ATRNL1: variants seen among roughly 807,000 people sequenced by gnomAD.
The protein encoded by ATRNL1 is attractin like 1.
A neutral mutation model predicts 182.7 loss-of-function variants in ATRNL1; 95 were observed. The ratio of observed to expected loss-of-function variants is 0.52; its 90% CI spans 0.44 to 0.62. ATRNL1 has a LOEUF of 0.62. ATRNL1 is among the 20% of genes least tolerant of loss of function. The pLI, the probability that ATRNL1 is intolerant of heterozygous loss-of-function variation, is 0.00. For missense variants in ATRNL1, 1,471 were observed against 1,679.5 expected, an observed-to-expected ratio of 0.88 and a Z score of 2.17; for synonymous variants, 576 against 568.3, an observed-to-expected ratio of 1.01 and a Z score of -0.19.
At chr10:115,282,867 G>T (rs1592376535) in intron 14 of ATRNL1, among the ~76,000 whole-genome samples, 1 of 151,036 alleles carries the variant, frequency 6.6e-6, no homozygotes, top group African/African-American at 2.4e-5. Context: ...TGTGCAGAAT[G>T]TGCAGGTTTG....
At chr10:115,816,075 C>G (rs887049899) in intron 27 of ATRNL1, among the ~76,000 whole-genome samples, 2 of 152,116 alleles carry the variant, frequency 1.3e-5, no homozygotes, top group African/African-American at 2.4e-5. Flanking sequence ...AGAAACCCCT[C>G]TCTAATGTGA....
rs782258121 is a variant in ATRNL1, at chr10:115,129,340, C to T, written c.634C>T (p.Pro212Ser). 3.7e-6 allele frequency: 6 copies of T among 1,611,680 alleles called. No individual in the cohort carries two copies. In the African/African-American group the frequency reaches 5.3e-5, roughly 14 times the overall value. ...TATATTTTACAGAATCAATTCTTGTCCTAACAATTGCTCTGGTCATGGGAA... is the reference window on the plus strand; with the variant it reads ...TATATTTTACAGAATCAATTCTTGTTCTAACAATTGCTCTGGTCATGGGAA... Reference protein sequence around the residue: ...FNIFYSINSCPNNCSGHGKCT... With the variant: ...FNIFYSINSCSNNCSGHGKCT... The change falls in exon 5 of 29, where the codon CCT (proline) becomes TCT (serine). Residue 212 changes from proline to serine, a missense_variant. Physicochemically the swap from Pro to Ser is moderately conservative, Grantham distance 74. Transcript: ENST00000355044.
chr10:115,914,107 T>A (rs1952771173), intron 28 of ATRNL1, among the ~76,000 whole-genome samples: 1 of 152,106 alleles, frequency 6.6e-6, no homozygotes, highest in African/African-American at 2.4e-5. Flanking sequence ...ATAAGGGGTT[T>A]TCCCTGCTTC....
chr10:115,507,792 G>T (rs1850189506), intron 24 of ATRNL1, among the ~76,000 whole-genome samples: 1 of 151,976 alleles, frequency 6.6e-6, no homozygotes, highest in Non-Finnish European at 1.5e-5. Context: ...AATGAGGATT[G>T]CCATTCACAC....
At chr10:115,361,026 A>T (rs1856721780) in intron 19 of ATRNL1, among the ~76,000 whole-genome samples, 1 of 151,952 alleles carries the variant, frequency 6.6e-6, no homozygotes, top group African/African-American at 2.4e-5. Context: ...ACCTTTGGTT[A>T]CAGTGGTGTC....
chr10:115,233,308 C>T (rs1267377143), intron 9 of ATRNL1, among the ~76,000 whole-genome samples: 1 of 152,102 alleles, frequency 6.6e-6, no homozygotes, highest in Non-Finnish European at 1.5e-5. Flanking sequence ...ATTCATTCAA[C>T]CAGTACAATA....
chr10:115,278,706 T>C (rs1015411084), intron 13 of ATRNL1, among the ~76,000 whole-genome samples: 1 of 152,182 alleles, frequency 6.6e-6, no homozygotes, highest in African/African-American at 2.4e-5. Context: ...CAGCTGTCAG[T>C]TTTGAGAAAT....
At chr10:115,329,144 A>T (rs1281634167) in intron 18 of ATRNL1, among the ~76,000 whole-genome samples, 1 of 151,944 alleles carries the variant, frequency 6.6e-6, no homozygotes, top group Non-Finnish European at 1.5e-5. Context: ...TCAATTTTAT[A>T]ATTTACCCAT....
intron 26 of ATRNL1, among the ~76,000 whole-genome samples, chr10:115,702,849 A>G (rs1470191258): frequency 6.6e-6 from 1 of 151,836 alleles, no homozygotes; most frequent in Non-Finnish European, 1.5e-5. Context: ...TACTGCCCAA[A>G]ATAATCTACA....
chr10:115,693,210 C>G (rs1946447870), intron 26 of ATRNL1, among the ~76,000 whole-genome samples: 1 of 151,912 alleles, frequency 6.6e-6, no homozygotes, highest in African/African-American at 2.4e-5. Flanking sequence ...TGAAAGGTAA[C>G]CACTTTTTTA....
At chr10:115,328,317 A>G (rs1236349209) in intron 18 of ATRNL1, among the ~76,000 whole-genome samples, 2 of 152,116 alleles carry the variant, frequency 1.3e-5, no homozygotes, top group Non-Finnish European at 2.9e-5. Flanking sequence ...CAAAATATGC[A>G]CATGTTTCAC....
At chr10:115,294,971 A>G (rs975462915) in intron 15 of ATRNL1, among the ~76,000 whole-genome samples, 1 of 152,174 alleles carries the variant, frequency 6.6e-6, no homozygotes, top group Non-Finnish European at 1.5e-5. Flanking sequence ...GAGTACACAC[A>G]GTGGGTAGGG....
At chr10:115,929,934 A>G (rs1452485042) in intron 28 of ATRNL1, among the ~76,000 whole-genome samples, 2 of 152,140 alleles carry the variant, frequency 1.3e-5, no homozygotes, top group Non-Finnish European at 2.9e-5. Context: ...AGGTTAAGCA[A>G]CCTGTGAAAG....
At chr10:115,139,576 A>C (rs1399343686) in intron 5 of ATRNL1, among the ~76,000 whole-genome samples, 1 of 152,186 alleles carries the variant, frequency 6.6e-6, no homozygotes, top group Non-Finnish European at 1.5e-5. Flanking sequence ...CGAGAAGAGC[A>C]CAGGAAAGAC....
chr10:115,807,304 C>T (rs144678186), intron 27 of ATRNL1, among the ~76,000 whole-genome samples: 53 of 152,038 alleles, frequency 3.5e-4, no homozygotes, highest in African/African-American at 1.3e-3. Context: ...GTAGCAGAGA[C>T]GGATCTTCAT....
At chr10:115,124,690 C>G (rs1554872838) in intron 3 of ATRNL1, among the ~76,000 whole-genome samples, 1 of 152,088 alleles carries the variant, frequency 6.6e-6, no homozygotes, top group Non-Finnish European at 1.5e-5. Context: ...TGAATTATAT[C>G]TTTAGCTTAA....
chr10:115,847,006 A>G (rs1950944201), intron 27 of ATRNL1, among the ~76,000 whole-genome samples: 1 of 152,042 alleles, frequency 6.6e-6, no homozygotes, highest in South Asian at 2.1e-4. Context: ...AATACTAGCT[A>G]TTACTATTAT....
chr10:115,794,354 AG>A (rs782369662), intron 27 of ATRNL1, among the ~76,000 whole-genome samples: 3 of 152,180 alleles, frequency 2.0e-5, no homozygotes, highest in Non-Finnish European at 4.4e-5. Flanking sequence ...ACCACAATGT[AG>A]CCATCAAAAT....
intron 19 of ATRNL1, 94 bp from the exon 20 acceptor site, chr10:115,394,565 G>A (rs1010703097): frequency 1.1e-6 from 1 of 946,026 alleles, no homozygotes; most frequent in Admixed American, 1.9e-5. Flanking sequence ...GGAAGTTACA[G>A]GACATAAAAA....
Sources: gnomAD v4.1 joint callset for allele counts (sites outside exome capture counted in the v4.1 genomes callset) on GRCh38, gnomAD v4.1.1 for gene constraint, MANE v1.5 for transcripts, NCBI Gene and HGNC (gene_info 2026-07-23, HGNC 2026-07-21) for gene names.